Variants in L3MBTL3 observed in about 807,000 individuals in gnomAD.
L3MBTL3 encodes the protein lethal(3)malignant brain tumor-like protein 3.
In L3MBTL3, 27 loss-of-function variants were observed where a neutral mutation model predicts 102.3. That is an observed-to-expected ratio of 0.26 (90% CI 0.19 to 0.36). The LOEUF is 0.36. L3MBTL3 is among the 10% of genes least tolerant of loss of function. The probability of loss-of-function intolerance (pLI) is 1.00; values close to 1 mark genes in which losing one functional copy is unlikely to be tolerated. For missense variants in L3MBTL3, 798 were observed against 955.3 expected (o/e 0.84, Z 2.17); for synonymous variants, 340 against 320.9 (o/e 1.06, Z -0.64).
intron 13 of L3MBTL3, 90 bp downstream of exon 13, chr6:130,071,217 A>G (rs1212621587): frequency 1.7e-6 from 2 of 1,184,048 alleles, no homozygotes; most frequent in Non-Finnish European, 2.3e-6. Flanking sequence ...GCTTATAACA[A>G]AAAAAAGCAG....
intron 18 of L3MBTL3, among the ~76,000 whole-genome samples, chr6:130,099,642 C>A (rs1240845699): frequency 6.6e-6 from 1 of 152,050 alleles, no homozygotes; most frequent in Non-Finnish European, 1.5e-5. Flanking sequence ...TGAATTTTAC[C>A]CTAATTTTTA....
intron 20 of L3MBTL3, among the ~76,000 whole-genome samples, chr6:130,127,729 G>A (rs1001480256): frequency 6.6e-6 from 1 of 152,116 alleles, no homozygotes; most frequent in Non-Finnish European, 1.5e-5. Flanking sequence ...GATTGATGTT[G>A]TTTTAATGAT....
rs571563881 is a variant in L3MBTL3, at chr6:130,054,672, A to T, written c.583-499A>T. 2.0e-5 allele frequency among the ~76,000 whole-genome samples: 3 copies of T among 152,224 alleles called. No individual in the cohort carries two copies. The South Asian group carries it at 6.2e-4, about 32-fold the overall frequency. ...TGGCCATGATGGGTTTGAAATGCTG[A>T]TTAACCATCCAGGTGAAGATCCCAA... On this transcript the variant is annotated intron_variant, in intron 7 of 22. Coordinates refer to ENST00000361794, the MANE Select transcript of L3MBTL3 (RefSeq NM_032438.4).
intron 10 of L3MBTL3, among the ~76,000 whole-genome samples, chr6:130,064,585 AGAG>A (rs1281077657): frequency 4.6e-5 from 7 of 152,144 alleles, no homozygotes; most frequent in Non-Finnish European, 1.0e-4. Flanking sequence ...TGGGGGAAGA[AGAG>A]GAGGAGAGTT....
intron 17 of L3MBTL3, among the ~76,000 whole-genome samples, chr6:130,093,406 G>A (rs184467187): frequency 3.3e-5 from 5 of 152,184 alleles, no homozygotes; most frequent in Admixed American, 1.3e-4. Flanking sequence ...AACAAATGTA[G>A]GAAATACAAT....
chr6:130,129,507 C>T (rs575996379), intron 20 of L3MBTL3, among the ~76,000 whole-genome samples: 2 of 152,120 alleles, frequency 1.3e-5, no homozygotes, highest in South Asian at 4.2e-4. Context: ...CCATTCCTTC[C>T]ATATGGTAAT....
intron 20 of L3MBTL3, among the ~76,000 whole-genome samples, chr6:130,122,706 C>T (rs1786316116): frequency 6.6e-6 from 1 of 152,184 alleles, no homozygotes; most frequent in Non-Finnish European, 1.5e-5. Flanking sequence ...TAGACAAAAG[C>T]TTTGGCCTTT....
chr6:130,030,704 C>T (rs1779666504), intron 2 of L3MBTL3, among the ~76,000 whole-genome samples: 1 of 149,128 alleles, frequency 6.7e-6, no homozygotes, highest in South Asian at 2.1e-4. Context: ...AGATTTAAAC[C>T]CAGGCACTGG....
chr6:130,026,817 A>G (rs1779382435), intron 2 of L3MBTL3, among the ~76,000 whole-genome samples: 1 of 152,174 alleles, frequency 6.6e-6, no homozygotes, highest in African/African-American at 2.4e-5. Flanking sequence ...TATATAAAGC[A>G]TCAATCAATG....
intron 5 of L3MBTL3, among the ~76,000 whole-genome samples, chr6:130,050,810 C>A (rs75970833): frequency 0.01 from 1,534 of 152,000 alleles, 27 homozygotes; most frequent in African/African-American, 0.035. Flanking sequence ...ACATTGAAAG[C>A]GTAATAGAAG....
At chr6:130,079,893 C>T (rs901701747) in intron 14 of L3MBTL3, among the ~76,000 whole-genome samples, 1 of 152,180 alleles carries the variant, frequency 6.6e-6, no homozygotes, top group Non-Finnish European at 1.5e-5. Context: ...AGGAAAGTCT[C>T]TGTCTTGACT....
At chr6:130,102,918 C>CT (rs1784786470) in intron 18 of L3MBTL3, among the ~76,000 whole-genome samples, 1 of 152,184 alleles carries the variant, frequency 6.6e-6, no homozygotes, top group Non-Finnish European at 1.5e-5. Context: ...CCGATCTCCC[C>CT]CTGGAATATC....
intron 19 of L3MBTL3, among the ~76,000 whole-genome samples, chr6:130,106,740 C>G (rs192688500): frequency 6.6e-6 from 1 of 152,274 alleles, no homozygotes; most frequent in Non-Finnish European, 1.5e-5. Context: ...CATCCTGACT[C>G]ACATTTTTTC....
chr6:130,055,098 T>G, intron 7 of L3MBTL3, 73 bp from the exon 8 acceptor site: 2 of 1,082,782 alleles, frequency 1.8e-6, no homozygotes, highest in Non-Finnish European at 2.8e-6. Context: ...AAGTGCTTTC[T>G]GATAGCTCTC....
At chr6:130,041,076 C>A (rs916329279) in intron 2 of L3MBTL3, among the ~76,000 whole-genome samples, 4 of 152,142 alleles carry the variant, frequency 2.6e-5, no homozygotes, top group African/African-American at 9.7e-5. Flanking sequence ...AAATAGTTGA[C>A]TTTTTGGACC....
chr6:130,074,204 G>A (rs1782811164), intron 13 of L3MBTL3, among the ~76,000 whole-genome samples: 2 of 152,248 alleles, frequency 1.3e-5, no homozygotes, highest in South Asian at 4.1e-4. Context: ...GTGGGAATTT[G>A]AAAATATATA....
At chr6:130,086,605 A>G (rs1234386118) in intron 16 of L3MBTL3, among the ~76,000 whole-genome samples, 8 of 152,226 alleles carry the variant, frequency 5.3e-5, no homozygotes, top group Non-Finnish European at 8.8e-5. Context: ...GGGGTAGATT[A>G]GAAGTAGTCT....
At chr6:130,050,440 T>C (rs1458893472) in intron 5 of L3MBTL3, among the ~76,000 whole-genome samples, 1 of 152,218 alleles carries the variant, frequency 6.6e-6, no homozygotes, top group African/African-American at 2.4e-5. Flanking sequence ...CATTTCTCTC[T>C]TTGTCCAGTT....
At chr6:130,102,121 G>C (rs1784733205) in intron 18 of L3MBTL3, among the ~76,000 whole-genome samples, 1 of 150,774 alleles carries the variant, frequency 6.6e-6, no homozygotes, top group African/African-American at 2.4e-5. Context: ...AGGCACCTCT[G>C]TTACCACCAA....
Sources: allele counts gnomAD v4.1 joint callset (sites outside exome capture counted in the v4.1 genomes callset), GRCh38; gene constraint gnomAD v4.1.1; transcripts MANE v1.5; gene names NCBI Gene and HGNC (gene_info 2026-07-23, HGNC 2026-07-21).